GRIA2: variants seen among roughly 807,000 people sequenced by gnomAD.
GRIA2 encodes the protein glutamate ionotropic receptor AMPA type subunit 2, also known as glutamate receptor 2.
In GRIA2, 14 loss-of-function variants were observed where a neutral mutation model predicts 97.3. That is an observed-to-expected ratio of 0.14 (90% CI 0.10 to 0.23). GRIA2 has a LOEUF of 0.23. Ranked by LOEUF, GRIA2 falls within the 10% of genes least tolerant of loss-of-function variation. GRIA2 has a pLI of 1.00. For missense variants in GRIA2, 558 were observed against 1,069.8 expected, an observed-to-expected ratio of 0.52 and a Z score of 6.67; for synonymous variants, 412 against 387.8, an observed-to-expected ratio of 1.06 and a Z score of -0.73.
In GRIA2 at chr4:157,355,971, A is replaced by ATATATATT. The variant is rs1560781332; in HGVS notation, c.2044-3918_2044-3917insTTATATAT. ...TATATTTATATATTTATGTATATTA[A>ATATATATT]TATATATATTTATATATTTATATAT... On this transcript the variant is annotated intron_variant, in intron 12 of 15. Coordinates refer to ENST00000264426, the MANE Select transcript of GRIA2 (RefSeq NM_001083619.3). Among the ~76,000 whole-genome samples the ATATATATT allele has an allele frequency of 7.6e-3, 73 of 9,592 alleles. 4 individuals are homozygous for ATATATATT. The East Asian group carries it at 0.29, about 38-fold the overall frequency. 6.3% of individuals were successfully genotyped at this position (9,592 alleles called of 152,430 possible).
chr4:157,232,856 T>C (rs1425609504), intron 2 of GRIA2, among the ~76,000 whole-genome samples: 1 of 152,228 alleles, frequency 6.6e-6, no homozygotes, highest in Non-Finnish European at 1.5e-5. Context: ...AACCAAATTC[T>C]AGTCCTTGTA....
At chr4:157,249,537 A>G (rs1385647917) in intron 2 of GRIA2, 1 of 152,170 alleles carries the variant, frequency 6.6e-6, no homozygotes. Flanking sequence ...AAGGTGACAC[A>G]GTTATTTATA....
chr4:157,297,800 A>G (rs1047946549), intron 2 of GRIA2, among the ~76,000 whole-genome samples: 1 of 152,108 alleles, frequency 6.6e-6, no homozygotes, highest in East Asian at 1.9e-4. Flanking sequence ...TTTATTCTAG[A>G]AAGCTCACAC....
At chr4:157,284,208 C>A (rs964940328) in intron 2 of GRIA2, among the ~76,000 whole-genome samples, 1 of 151,750 alleles carries the variant, frequency 6.6e-6, no homozygotes, top group Non-Finnish European at 1.5e-5. Context: ...GGAACTGGGT[C>A]AGCTAGTGGA....
intron 5 of GRIA2, 73 bp downstream of exon 5, chr4:157,317,784 A>G (rs1193992202): frequency 3.0e-6 from 2 of 665,040 alleles, no homozygotes; most frequent in African/African-American, 1.9e-5. Context: ...TTGAATGGCC[A>G]GCATTTATCA....
intron 2 of GRIA2, among the ~76,000 whole-genome samples, chr4:157,239,470 C>A (rs189587933): frequency 1.9e-3 from 296 of 152,028 alleles, no homozygotes; most frequent in East Asian, 0.01. Context: ...TCTGCCAATT[C>A]TTCTAGTGGT....
At chr4:157,234,601 C>T (rs114117273) in intron 2 of GRIA2, among the ~76,000 whole-genome samples, 1,693 of 152,108 alleles carry the variant, frequency 0.011, 30 homozygotes, top group African/African-American at 0.038. Flanking sequence ...TACATTTGTG[C>T]AATAAAAATG....
chr4:157,363,455 G>A lies in GRIA2; in HGVS notation c.*24G>A. On this transcript the variant is annotated 3_prime_UTR_variant, in exon 16 of 16. Coordinates refer to ENST00000264426, the MANE Select transcript of GRIA2 (RefSeq NM_001083619.3). ...TTAAGATGACCTTGAATGATGCCAT[G>A]AGGAACAAGGCAAGGCTGTCAATTA... 8.0e-7 allele frequency: 1 copy of A among 1,243,500 alleles called. No individual in the cohort carries two copies. Among genetic ancestry groups the A allele is most frequent in the Non-Finnish European group, 1.0e-6 (1 of 992,836 alleles). 77.0% of individuals were successfully genotyped at this position (1,243,500 alleles called of 1,614,324 possible).
Position 157,362,816 on chromosome 4 carries a change from C to T in GRIA2, c.2424C>T (p.Leu808=), listed in dbSNP as rs1736693004. The T allele has an allele frequency of 2.5e-6, 4 of 1,612,772 alleles. No individual in the cohort carries two copies. The highest frequency in any genetic ancestry group is 1.3e-5 in the African/African-American group (1 of 74,826). Residue 808 remains leucine (L), a synonymous_variant, in exon 15 of 16, where the codon CTC becomes CTT. Transcript: ENST00000264426. ...TTCTTTAGGAAAAGACCAGTGCCCT[C>T]AGTCTGAGCAACGTTGCTGGAGTAT... ...GGDSKEKTSA[L]SLSNVAGVFY...
chr4:157,355,055 A>G (rs1736186500), intron 12 of GRIA2, among the ~76,000 whole-genome samples: 1 of 152,110 alleles, frequency 6.6e-6, no homozygotes, highest in African/African-American at 2.4e-5. Flanking sequence ...TTACTGATTG[A>G]CTGAGAGTTA....
chr4:157,308,241 A>G (rs573156382), intron 3 of GRIA2, among the ~76,000 whole-genome samples: 24 of 152,328 alleles, frequency 1.6e-4, no homozygotes, highest in Non-Finnish European at 3.1e-4. Flanking sequence ...TCACTGACTG[A>G]CTAGTAGTAA....
chr4:157,288,884 G>A lies in GRIA2; in HGVS notation c.230-14668G>A, dbSNP rs551378858. The stretch of plus-strand genomic sequence containing the variant: ...TTTAAAATTTTGATTATATATTTGG[G>A]GTATGTTATAGTGATAACTGGAAGA... On this transcript the variant is annotated intron_variant, in intron 2 of 15. Coordinates refer to ENST00000264426, the MANE Select transcript of GRIA2 (RefSeq NM_001083619.3). Among the ~76,000 whole-genome samples, 5 of 151,782 alleles carry A rather than the reference G, an allele frequency of 3.3e-5. No individual in the cohort carries two copies. The South Asian group carries it at 8.3e-4, about 25-fold the overall frequency.
intron 2 of GRIA2, among the ~76,000 whole-genome samples, chr4:157,267,293 G>T (rs1403251035): frequency 6.7e-6 from 1 of 149,652 alleles, no homozygotes; most frequent in Non-Finnish European, 1.5e-5. Context: ...GCATAGTGGT[G>T]CATGCCTGTA....
chr4:157,357,327 A>G (rs1002904508), intron 12 of GRIA2, among the ~76,000 whole-genome samples: 6 of 152,112 alleles, frequency 3.9e-5, no homozygotes, highest in African/African-American at 1.4e-4. Flanking sequence ...TTATTTGTCT[A>G]CCTTTGGCTA....
At chr4:157,322,295 T>C (rs1734613993) in intron 6 of GRIA2, among the ~76,000 whole-genome samples, 1 of 150,608 alleles carries the variant, frequency 6.6e-6, no homozygotes, top group Non-Finnish European at 1.5e-5. Flanking sequence ...AAAATAACAG[T>C]TGATGAGTAG....
chr4:157,353,866 AGAAAAATTTTCAT>A (rs1736129924), intron 12 of GRIA2, among the ~76,000 whole-genome samples: 1 of 152,162 alleles, frequency 6.6e-6, no homozygotes, highest in Non-Finnish European at 1.5e-5. Context: ...TTAATCGTAT[AGAAAAATTTTCAT>A]GAAAAATCAA....
chr4:157,362,412 C>T, intron 14 of GRIA2: 1 of 459,314 alleles, frequency 2.2e-6, no homozygotes, highest in South Asian at 1.5e-5. Flanking sequence ...TTATTTTAGC[C>T]CTGTTCGCTG....
At chr4:157,336,268 T>C (rs1735282304) in intron 10 of GRIA2, 109 bp from the exon 11 acceptor site, 1 of 907,060 alleles carries the variant, frequency 1.1e-6, no homozygotes, top group Non-Finnish European at 1.7e-6. Context: ...GAAAAAATTA[T>C]TGTCATTTTT....
At chr4:157,267,167 A>G (rs1579317392) in intron 2 of GRIA2, among the ~76,000 whole-genome samples, 2 of 151,920 alleles carry the variant, frequency 1.3e-5, no homozygotes, top group Non-Finnish European at 2.9e-5. Context: ...GGCTCATGCC[A>G]GTAATCCCAG....
Sources: allele counts gnomAD v4.1 joint callset (sites outside exome capture counted in the v4.1 genomes callset), GRCh38; gene constraint gnomAD v4.1.1; transcripts MANE v1.5; gene names NCBI Gene and HGNC (gene_info 2026-07-23, HGNC 2026-07-21).